Variants in SLC24A2 observed in about 807,000 individuals in gnomAD.
SLC24A2 encodes the protein solute carrier family 24 member 2, also known as sodium/potassium/calcium exchanger 2.
A neutral mutation model predicts 62.0 loss-of-function variants in SLC24A2; 36 were observed. The observed-to-expected ratio is 0.58, with a 90% CI of 0.44 to 0.77. The LOEUF is 0.77. SLC24A2 is among the 30% of genes least tolerant of loss of function. SLC24A2 has a pLI of 0.00. For synonymous variants in SLC24A2, 358 were observed against 294.0 expected, an observed-to-expected ratio of 1.22 and a Z score of -2.23; for missense variants, 846 against 817.9, an observed-to-expected ratio of 1.03 and a Z score of -0.42.
intron 7 of SLC24A2, among the ~76,000 whole-genome samples, chr9:19,571,992 G>A (rs534542725): frequency 5.8e-4 from 88 of 152,104 alleles, no homozygotes; most frequent in African/African-American, 1.9e-3. Context: ...GCTACTATCC[G>A]GGCGCAGTGG....
the SLC24A2 span, among the ~76,000 whole-genome samples, chr9:20,294,334 T>C: frequency 6.6e-6 from 1 of 152,112 alleles, no homozygotes. Context: ...ACAATGGTAA[T>C]ATTGGAATAC....
chr9:20,207,042 C>T, the SLC24A2 span, among the ~76,000 whole-genome samples: 1 of 152,176 alleles, frequency 6.6e-6, no homozygotes, highest in Non-Finnish European at 1.5e-5. Context: ...ACTGAATTTT[C>T]ATTGAACCTG....
chr9:20,007,881 T>C, the SLC24A2 span, among the ~76,000 whole-genome samples: 158 of 38,188 alleles, frequency 4.1e-3, no homozygotes, highest in South Asian at 0.024. Context: ...ACTCCTCTCT[T>C]TTTTTTTTTT....
At chr9:19,821,306 A>G in the SLC24A2 span, among the ~76,000 whole-genome samples, 1 of 152,210 alleles carries the variant, frequency 6.6e-6, no homozygotes, top group African/African-American at 2.4e-5. Context: ...TCTAGAATAC[A>G]GAAATAAATG....
chr9:19,992,287 C>G, the SLC24A2 span, among the ~76,000 whole-genome samples: 77 of 152,238 alleles, frequency 5.1e-4, no homozygotes, highest in Admixed American at 2.1e-3. Flanking sequence ...AGGTTTGGGG[C>G]TTATTTTCTT....
At chr9:20,149,658 A>G in the SLC24A2 span, among the ~76,000 whole-genome samples, 3 of 152,100 alleles carry the variant, frequency 2.0e-5, no homozygotes, top group Admixed American at 6.6e-5. Flanking sequence ...TGAATTTTAT[A>G]TAATTTTCAT....
chr9:20,263,552 GA>G, the SLC24A2 span, among the ~76,000 whole-genome samples: 1 of 152,140 alleles, frequency 6.6e-6, no homozygotes, highest in African/African-American at 2.4e-5. Context: ...ATCCATCAGA[GA>G]AGGATTCTTC....
At chr9:20,200,018 A>G in the SLC24A2 span, among the ~76,000 whole-genome samples, 1 of 151,760 alleles carries the variant, frequency 6.6e-6, no homozygotes, top group Non-Finnish European at 1.5e-5. Flanking sequence ...GGCGTGAGAC[A>G]CCGCGACCAG....
the SLC24A2 span, among the ~76,000 whole-genome samples, chr9:20,179,925 G>A: frequency 6.6e-6 from 1 of 152,090 alleles, no homozygotes; most frequent in South Asian, 2.1e-4. Flanking sequence ...TTTTTCCTAA[G>A]ATGACATTAA....
chr9:19,890,957 A>G, the SLC24A2 span, among the ~76,000 whole-genome samples: 865 of 152,302 alleles, frequency 5.7e-3, 21 homozygotes, highest in East Asian at 0.072. Flanking sequence ...GCTTATATGA[A>G]AAAAGGATGA....
chr9:20,257,640 C>T, the SLC24A2 span, among the ~76,000 whole-genome samples: 6 of 152,208 alleles, frequency 3.9e-5, no homozygotes, highest in African/African-American at 1.4e-4. Flanking sequence ...CTGCCGGTTA[C>T]TGACTTTTAT....
At chr9:19,766,513 C>T (rs902170054) in intron 2 of SLC24A2, among the ~76,000 whole-genome samples, 1 of 152,176 alleles carries the variant, frequency 6.6e-6, no homozygotes, top group Admixed American at 6.5e-5. Context: ...GATGTTGATG[C>T]TATTGCTTTC....
At chr9:20,166,426 T>C in the SLC24A2 span, among the ~76,000 whole-genome samples, 6 of 151,970 alleles carry the variant, frequency 3.9e-5, no homozygotes, top group South Asian at 2.1e-4. Flanking sequence ...AGAAGGTTGA[T>C]TGAACAAACT....
the SLC24A2 span, among the ~76,000 whole-genome samples, chr9:20,014,809 A>T: frequency 6.6e-6 from 1 of 152,116 alleles, no homozygotes. Flanking sequence ...AGCTTTTGAG[A>T]TCTATTGTGC....
chr9:20,291,892 A>G, the SLC24A2 span, among the ~76,000 whole-genome samples: 5 of 152,160 alleles, frequency 3.3e-5, no homozygotes, highest in Non-Finnish European at 7.4e-5. Context: ...CTGGAGAGGA[A>G]CAAGGCAGGA....
the SLC24A2 span, among the ~76,000 whole-genome samples, chr9:20,031,994 G>C: frequency 6.6e-6 from 1 of 152,290 alleles, no homozygotes; most frequent in South Asian, 2.1e-4. Context: ...ACACAATTCA[G>C]ATCTTATGAG....
chr9:20,079,503 G>C, the SLC24A2 span, among the ~76,000 whole-genome samples: 5 of 152,136 alleles, frequency 3.3e-5, no homozygotes, highest in South Asian at 1.0e-3. Context: ...TTCCATTTAA[G>C]ATGTCATGGA....
At chr9:19,969,183 C>CCCCACACACACACA in the SLC24A2 span, among the ~76,000 whole-genome samples, 3 of 122,182 alleles carry the variant, frequency 2.5e-5, no homozygotes, top group East Asian at 5.0e-4. Context: ...ACCTCCTTTG[C>CCCCACACACACACA]CACACACACA....
At position 19,539,354 on chromosome 9, in the gene SLC24A2, T is replaced by G. The variant is rs563368408; in HGVS notation, c.1479+10783A>C. On this transcript the variant is annotated intron_variant, in intron 8 of 10. Coordinates refer to ENST00000341998, the MANE Select transcript of SLC24A2 (RefSeq NM_020344.4). ...CTTGTAGGCATTTAGTGCTATAAAT[T>G]TCCCTCTACACACTGCTTTGAATGT... Among the ~76,000 whole-genome samples the G allele has an allele frequency of 5.0e-4, 75 of 149,336 alleles. 2 individuals carry two copies. The East Asian group carries it at 0.013, about 27-fold the overall frequency.
Sources: gnomAD v4.1 joint callset for allele counts (sites outside exome capture counted in the v4.1 genomes callset) on GRCh38, gnomAD v4.1.1 for gene constraint, MANE v1.5 for transcripts, NCBI Gene and HGNC (gene_info 2026-07-23, HGNC 2026-07-21) for gene names.